Variants in TP53I13 observed in about 807,000 individuals in gnomAD.
TP53I13 encodes the protein tumor protein p53 inducible protein 13.
In TP53I13, 27 loss-of-function variants were observed where a neutral mutation model predicts 39.1. That is an observed-to-expected ratio of 0.69 (90% confidence interval 0.51 to 0.95). TP53I13 has a LOEUF of 0.95. TP53I13 is among the 40% of genes least tolerant of loss of function. The pLI is 0.00. For missense variants in TP53I13, 544 were observed against 520.4 expected, an observed-to-expected ratio of 1.05 and a Z score of -0.44; for synonymous variants, 230 against 224.6, an observed-to-expected ratio of 1.02 and a Z score of -0.22.
In TP53I13 at chr17:29,572,368, C is replaced by CT; in HGVS notation, c.740_741insT (p.Ser248IlefsTer61). ...ATCCCTGGTAGGGAGAGTAATGCCCCATCTGTGCCCACTGTCTCCCTGCTG... is the reference window on the plus strand; with the variant it reads ...ATCCCTGGTAGGGAGAGTAATGCCCCTATCTGTGCCCACTGTCTCCCTGCTG... On this transcript the variant is annotated frameshift_variant, in exon 6 of 7. Coordinates refer to ENST00000301057, the MANE Select transcript of TP53I13 (RefSeq NM_138349.4). LOFTEE classifies it high-confidence loss of function. The CT allele has an allele frequency of 6.2e-7, 1 of 1,604,216 alleles. No individual in the cohort carries two copies. Among genetic ancestry groups the CT allele is most frequent in the Admixed American group, 1.7e-5 (1 of 59,766 alleles).
At chr17:29,566,431 A>C (rs2032713187), upstream of TP53I13, 8 of 1,612,178 alleles carry the variant, frequency 5.0e-6, no homozygotes, top group Non-Finnish European at 6.8e-6. Flanking sequence ...CAGGGCGAGC[A>C]AGCAAAGGCC....
the TP53I13 span, chr17:29,578,288 C>G: frequency 6.2e-6 from 10 of 1,610,516 alleles, no homozygotes; most frequent in South Asian, 9.9e-5. Flanking sequence ...CACTCCTGCT[C>G]CCTGACTCAC....
downstream of TP53I13, chr17:29,577,357 T>C: frequency 3.5e-6 from 3 of 864,956 alleles, no homozygotes; most frequent in Non-Finnish European, 5.6e-6. Context: ...TAACCCCAGC[T>C]AAAGCGTCCC....
chr17:29,576,967 T>C, downstream of TP53I13: 6 of 1,602,180 alleles, frequency 3.7e-6, no homozygotes, highest in Non-Finnish European at 5.1e-6. Context: ...TCGAGGTCAC[T>C]CTGGCTCCGC....
chr17:29,575,869 C>A, downstream of TP53I13: 3 of 1,611,234 alleles, frequency 1.9e-6, no homozygotes, highest in Non-Finnish European at 2.5e-6. The surrounding 1 kb of genome is among the most constrained non-coding windows in gnomAD (Gnocchi z 5.5). Context: ...GAGTGAAGGG[C>A]ACAGCTGAGG....
downstream of TP53I13, chr17:29,574,479 G>A (rs1412299851): frequency 1.5e-5 from 9 of 610,512 alleles, no homozygotes; most frequent in Non-Finnish European, 2.4e-5. Context: ...ATACAGAGGG[G>A]AGGTGCATGG....
chr17:29,581,767 G>A, the TP53I13 span: 2 of 1,611,400 alleles, frequency 1.2e-6, no homozygotes, highest in Non-Finnish European at 1.7e-6. The surrounding 1 kb of genome is among the most constrained non-coding windows in gnomAD (Gnocchi z 4.8). Flanking sequence ...AGAGGTAGAA[G>A]GCCAGCCGGT....
chr17:29,580,513 T>C, the TP53I13 span, among the ~76,000 whole-genome samples: 4 of 152,304 alleles, frequency 2.6e-5, no homozygotes, highest in South Asian at 6.2e-4. Flanking sequence ...ATCCATCTTA[T>C]GTGCTGGGTG....
upstream of TP53I13, chr17:29,566,528 C>T (rs756159896): frequency 7.0e-5 from 113 of 1,610,474 alleles, 2 homozygotes; most frequent in Admixed American, 1.0e-3. Flanking sequence ...ATCCGGCGGC[C>T]CCGAACACAA....
chr17:29,578,462 C>T, the TP53I13 span: 20 of 1,221,076 alleles, frequency 1.6e-5, no homozygotes, highest in East Asian at 4.6e-5. Flanking sequence ...CTTGGGGAAC[C>T]GGTGGCCTTC....
intron 6 of TP53I13, 39 bp from the exon 7 acceptor site, chr17:29,572,773 T>C (rs1175280944): frequency 4.2e-6 from 3 of 711,838 alleles, no homozygotes; most frequent in Admixed American, 2.6e-5. Context: ...GTAGCTTCCC[T>C]GCCCTCCCGC....
chr17:29,576,216 TCA>T (rs2033192232), downstream of TP53I13: 2 of 1,606,822 alleles, frequency 1.2e-6, no homozygotes, highest in Non-Finnish European at 1.7e-6. Context: ...CATAGGTGAC[TCA>T]CAGTGCTGTG....
chr17:29,578,385 G>A, the TP53I13 span: 1 of 1,613,524 alleles, frequency 6.2e-7, no homozygotes, highest in Non-Finnish European at 8.5e-7. Context: ...GAGGAAGAGA[G>A]GGGCCCAGAT....
the TP53I13 span, chr17:29,581,152 T>C: frequency 3.2e-6 from 2 of 619,582 alleles, no homozygotes; most frequent in East Asian, 2.7e-5. This position sits in a 1 kb window ranked among gnomAD's most constrained non-coding sequence, Gnocchi z 4.8. Context: ...GGGCCACATA[T>C]GGAGCTGACA....
At chr17:29,568,637 G>C (rs1298099015), upstream of TP53I13, 3 of 584,420 alleles carry the variant, frequency 5.1e-6, no homozygotes, top group Non-Finnish European at 6.4e-6. This position sits in a 1 kb window ranked among gnomAD's most constrained non-coding sequence, Gnocchi z 4.5. Context: ...CGCGAGCCCA[G>C]GGCCAACGGA....
the TP53I13 span, among the ~76,000 whole-genome samples, chr17:29,580,595 C>A: frequency 6.6e-6 from 1 of 152,262 alleles, no homozygotes; most frequent in East Asian, 1.9e-4. Flanking sequence ...CCTCAGCGCA[C>A]GTGCCTAATT....
At chr17:29,574,341 C>T (rs1225170892), downstream of TP53I13, 2 of 293,012 alleles carry the variant, frequency 6.8e-6, no homozygotes, top group East Asian at 8.9e-5. Context: ...GGGGGTGGGG[C>T]GCATGTACGG....
chr17:29,577,602 G>A, downstream of TP53I13: 1 of 1,276,936 alleles, frequency 7.8e-7, no homozygotes, highest in Non-Finnish European at 1.1e-6. Flanking sequence ...GGGACCGCGG[G>A]GATGAAGTAG....
chr17:29,574,621 G>A, downstream of TP53I13: 2 of 1,158,538 alleles, frequency 1.7e-6, no homozygotes, highest in Non-Finnish European at 2.6e-6. Flanking sequence ...GCTCTGTTGG[G>A]GTGGGGATTA....
Sources: gnomAD v4.1 joint callset for allele counts (sites outside exome capture counted in the v4.1 genomes callset) on GRCh38, gnomAD v4.1.1 for gene constraint, Gnocchi (gnomAD v3.1) non-coding constraint, MANE v1.5 for transcripts, NCBI Gene and HGNC (gene_info 2026-07-23, HGNC 2026-07-21) for gene names.